NUP93: variants seen among roughly 807,000 people sequenced by gnomAD.
NUP93 encodes nucleoporin 93.
In NUP93, 55 loss-of-function variants were observed where a neutral mutation model predicts 107.8. The observed-to-expected ratio is 0.51, with a 90% CI of 0.41 to 0.64. NUP93 has a LOEUF of 0.64. NUP93 is among the 30% of genes least tolerant of loss of function. The probability of loss-of-function intolerance (pLI) is 0.00; values close to 1 mark genes in which losing one functional copy is unlikely to be tolerated. For missense variants in NUP93, 937 were observed against 1,044.7 expected (o/e 0.90, Z 1.42); for synonymous variants, 390 against 397.5 (o/e 0.98, Z 0.22).
intron 3 of NUP93, among the ~76,000 whole-genome samples, chr16:56,794,760 C>T (rs1431405570): frequency 6.6e-6 from 1 of 151,670 alleles, no homozygotes; most frequent in Non-Finnish European, 1.5e-5. Flanking sequence ...AACCCTGTCT[C>T]TACTAAAAAT....
intron 4 of NUP93, among the ~76,000 whole-genome samples, chr16:56,802,383 T>C (rs998821142): frequency 6.8e-6 from 1 of 147,754 alleles, no homozygotes; most frequent in Non-Finnish European, 1.5e-5. Flanking sequence ...AGTTTACAGA[T>C]GTGAGCAAGA....
Position 56,847,161 on chromosome 16 carries a change from G to A in NUP93, c.*2552G>A, listed in dbSNP as rs1356271787. 2 of 152,244 alleles carry A rather than the reference G, an allele frequency of 1.3e-5. No individual in the cohort carries two copies. Among genetic ancestry groups the A allele is most frequent in the Non-Finnish European group, 2.9e-5 (2 of 68,050 alleles). The allele number at this position is 152,244 out of a possible 1,614,324, so 9.4% of individuals were successfully genotyped here. On this transcript the variant is annotated 3_prime_UTR_variant, in exon 22 of 22. Coordinates refer to ENST00000308159, the MANE Select transcript of NUP93 (RefSeq NM_014669.5). Reference sequence around the variant, plus strand: ...ATACCAGAAGGGCCAGGACTCGGATGGAGCAAATCCCAGTTCTTGTCCTAC... The same window carrying A: ...ATACCAGAAGGGCCAGGACTCGGATAGAGCAAATCCCAGTTCTTGTCCTAC...
intron 1 of NUP93, among the ~76,000 whole-genome samples, chr16:56,744,142 A>T (rs953067377): frequency 3.3e-5 from 5 of 152,072 alleles, no homozygotes; most frequent in Non-Finnish European, 7.4e-5. Context: ...CCTCTCCTCC[A>T]TAGTTCCCCA....
chr16:56,823,608 C>T, intron 7 of NUP93, 99 bp from the exon 8 acceptor site: 2 of 1,378,906 alleles, frequency 1.5e-6, no homozygotes. Context: ...CCTCATCCCC[C>T]ACCACATTCT....
At chr16:56,797,659 C>T (rs543601383) in intron 3 of NUP93, among the ~76,000 whole-genome samples, 10 of 152,288 alleles carry the variant, frequency 6.6e-5, no homozygotes, top group African/African-American at 1.9e-4. Flanking sequence ...TAAATCTAAT[C>T]GATCCTAATA....
chr16:56,842,458 C>G (rs2144652475), intron 21 of NUP93: 3 of 380,614 alleles, frequency 7.9e-6, no homozygotes, highest in Non-Finnish European at 1.5e-5. Flanking sequence ...AGCTAGAACC[C>G]TGGGGCTCAC....
intron 3 of NUP93, chr16:56,782,123 G>T (rs1374872397): frequency 2.0e-6 from 2 of 985,118 alleles, no homozygotes; most frequent in Non-Finnish European, 2.4e-6. Context: ...CACTGGTTCC[G>T]ACAGAGCTCA....
chr16:56,823,802 G>A lies in NUP93; in HGVS notation c.750G>A (p.Val250=), dbSNP rs750771256. Residue 250 remains valine (V), a synonymous_variant, in exon 8 of 22, where the codon GTG becomes GTA. Transcript: ENST00000308159. ...TGAAGAACCGCAGCAGCGTGGAAGT[G>A]CGCATGGAGTTTGTCAGGCAGGCCT... The part of the protein sequence containing the change: ...DALKNRSSVE[V]RMEFVRQALA... 35 of 1,614,066 alleles carry A rather than the reference G, an allele frequency of 2.2e-5. No individual in the cohort carries two copies. Among genetic ancestry groups the A allele is most frequent in the Non-Finnish European group, 2.8e-5 (33 of 1,180,038 alleles).
chr16:56,822,341 T>G (rs1379465444), intron 7 of NUP93, among the ~76,000 whole-genome samples: 3 of 151,416 alleles, frequency 2.0e-5, no homozygotes, highest in Non-Finnish European at 4.4e-5. Context: ...GCAAGACCTC[T>G]TCTCTACAAA....
In NUP93 at chr16:56,805,529, A is replaced by T. The variant is rs1283083247; in HGVS notation, c.386A>T (p.His129Leu). The T allele has an allele frequency of 1.7e-5, 27 of 1,613,988 alleles. No homozygotes were observed. In the East Asian group the frequency reaches 6.0e-4, roughly 36 times the overall value. Residue 129 changes from histidine to leucine, a missense_variant, in exon 5 of 22, where the codon CAT (histidine) becomes CTT (leucine). His to Leu is a moderately conservative substitution (Grantham distance 99, BLOSUM62 -3). Transcript: ENST00000308159. ...KRTFGMAEEYHRESMLVEWEQ... is the reference protein window; with the variant it reads ...KRTFGMAEEYLRESMLVEWEQ... ...ACCTTCGGCATGGCTGAGGAGTACCATCGGGAGTCAATGTTGGTTGAGTGG... is the reference window on the plus strand; with the variant it reads ...ACCTTCGGCATGGCTGAGGAGTACCTTCGGGAGTCAATGTTGGTTGAGTGG...
At chr16:56,840,027 T>C (rs1290870446) in intron 20 of NUP93, 1 of 176,996 alleles carries the variant, frequency 5.6e-6, no homozygotes, top group Non-Finnish European at 1.2e-5. Flanking sequence ...TTGGGATTTT[T>C]TTGTTTTTGA....
chr16:56,813,449 T>C (rs1163814156), intron 5 of NUP93, among the ~76,000 whole-genome samples: 2 of 152,236 alleles, frequency 1.3e-5, no homozygotes, highest in African/African-American at 2.4e-5. Flanking sequence ...GGCAGTTTCC[T>C]TGGGGATGGA....
chr16:56,804,999 G>GTTTA (rs1171481362), intron 4 of NUP93, among the ~76,000 whole-genome samples: 1 of 151,952 alleles, frequency 6.6e-6, no homozygotes, highest in Non-Finnish European at 1.5e-5. Context: ...TTGTCAGTAA[G>GTTTA]TTTATTTATT....
Position 56,738,481 on chromosome 16 carries a change from C to CT in NUP93, c.-15+8275dup, listed in dbSNP as rs1399580691. ...AGTACTGCTACTAAATCACCCAAGT[C>CT]TTTTTCTTCTGTCTAGGTTAATTTA... On this transcript the variant is annotated intron_variant, in intron 1 of 21. Coordinates refer to ENST00000308159, the MANE Select transcript of NUP93 (RefSeq NM_014669.5). Among the ~76,000 whole-genome samples, 3 of 152,166 alleles carry CT rather than the reference C, an allele frequency of 2.0e-5. No individual in the cohort carries two copies. In the South Asian group the frequency reaches 6.2e-4, roughly 32 times the overall value.
At position 56,830,539 on chromosome 16, in the gene NUP93, G is replaced by A; in HGVS notation, c.939G>A (p.Val313=). ...APLPGLQDGE[V]EGHPVWALIY... The stretch of plus-strand genomic sequence containing the variant: ...TGTTCCTCTTTTAGGATGGAGAGGT[G>A]GAAGGCCATCCTGTGTGGGCGCTAA... The change falls in exon 10 of 22, where the codon GTG becomes GTA. Residue 313 remains valine, a synonymous_variant. Coordinates refer to ENST00000308159, the MANE Select transcript of NUP93 (RefSeq NM_014669.5). The A allele has an allele frequency of 6.3e-7, 1 of 1,585,402 alleles. No homozygotes were observed.
intron 1 of NUP93, among the ~76,000 whole-genome samples, chr16:56,736,069 C>G (rs1188378689): frequency 6.6e-6 from 1 of 152,176 alleles, no homozygotes; most frequent in African/African-American, 2.4e-5. Context: ...GTGGCTCACG[C>G]CTGTAAGGCC....
At chr16:56,782,575 A>G (rs1235371508) in intron 3 of NUP93, 1 of 152,156 alleles carries the variant, frequency 6.6e-6, no homozygotes, top group Non-Finnish European at 1.5e-5. Context: ...AAATTCTTGT[A>G]TGAGGTGGAA....
intron 21 of NUP93, among the ~76,000 whole-genome samples, chr16:56,843,551 AAG>A (rs1403681832): frequency 6.6e-6 from 1 of 152,226 alleles, no homozygotes; most frequent in Non-Finnish European, 1.5e-5. Flanking sequence ...TCATGGTTTA[AAG>A]TGAGATGCTG....
At chr16:56,833,440 A>G in intron 13 of NUP93, 34 bp downstream of exon 13, 1 of 1,474,568 alleles carries the variant, frequency 6.8e-7, no homozygotes, top group South Asian at 1.5e-5. Flanking sequence ...CAGTAATGTA[A>G]CCACAGCACG....
Sources: allele counts gnomAD v4.1 joint callset (sites outside exome capture counted in the v4.1 genomes callset), GRCh38; gene constraint gnomAD v4.1.1; transcripts MANE v1.5; gene names NCBI Gene and HGNC (gene_info 2026-07-23, HGNC 2026-07-21).